RUNDC1: variants seen among roughly 807,000 people sequenced by gnomAD.
RUNDC1 encodes RUN domain containing 1, also known as RUN domain-containing protein 1.
RUNDC1 carries 31 observed loss-of-function variants against 49.3 expected under a neutral mutation model. The ratio of observed to expected loss-of-function variants is 0.63; its 90% confidence interval spans 0.47 to 0.85. RUNDC1 has a LOEUF of 0.85. RUNDC1 is among the 40% of genes least tolerant of loss of function. RUNDC1 has a pLI of 0.00. For synonymous variants in RUNDC1, 347 were observed against 348.6 expected (o/e 1.00, Z 0.05); for missense variants, 715 against 806.7 (o/e 0.89, Z 1.38).
chr17:42,991,458 C>T lies in RUNDC1; in HGVS notation c.1584C>T (p.Asp528=), dbSNP rs764559984. ...TAIHMVLTEH[D]PFKRSADSEL... ...TCCACATGGTGCTGACAGAGCATGA[C>T]CCTTTTAAGCGCAGTGCAGACTCAG... The change falls in exon 5 of 5, where the codon GAC becomes GAT. Residue 528 remains aspartate (D), a synonymous_variant. Transcript: ENST00000361677. 2.5e-6 allele frequency: 4 copies of T among 1,614,196 alleles called. No individual in the cohort carries two copies. The South Asian group carries it at 4.4e-5, about 18-fold the overall frequency.
intron 3 of RUNDC1, 26 bp downstream of exon 3, chr17:42,989,565 G>T: frequency 6.3e-7 from 1 of 1,581,238 alleles, no homozygotes; most frequent in Non-Finnish European, 8.7e-7. Flanking sequence ...GGGATGAGAA[G>T]GGTGGACAGG....
Position 42,990,809 on chromosome 17 carries a change from A to G in RUNDC1, c.977-42A>G, listed in dbSNP as rs1427563275. ...GATTTGTTGAGTGTAGCTCTGTGCC[A>G]TCATGGCCTCTCACTGATGAGCCAC... On this transcript the variant is annotated intron_variant, in intron 4 of 4. Transcript: ENST00000361677. 6 of 1,548,362 alleles carry G rather than the reference A, an allele frequency of 3.9e-6. No individual in the cohort carries two copies. In the Admixed American group the frequency reaches 1.1e-4, roughly 28 times the overall value.
At chr17:42,985,057 G>A (rs969441168) in intron 1 of RUNDC1, among the ~76,000 whole-genome samples, 1 of 151,410 alleles carries the variant, frequency 6.6e-6, no homozygotes, top group Non-Finnish European at 1.5e-5. Flanking sequence ...CACCACACTG[G>A]GCTAGTTTTT....
rs1360476004 is a variant in RUNDC1, at chr17:42,993,875, T to C, written c.*2159T>C. On this transcript the variant is annotated 3_prime_UTR_variant, in exon 5 of 5. Transcript: ENST00000361677. ...GCTTTTGGAATGGAGACCTTTTTTT[T>C]TTGAGATGGAGTCTCGCTCTGTTGT... Among the ~76,000 whole-genome samples, 4 of 152,182 alleles carry C rather than the reference T, an allele frequency of 2.6e-5. No individual in the cohort carries two copies. The highest frequency in any genetic ancestry group is 9.7e-5 in the African/African-American group (4 of 41,438).
Position 42,992,149 on chromosome 17 carries a change from A to C in RUNDC1, c.*433A>C, listed in dbSNP as rs1408219311. On this transcript the variant is annotated 3_prime_UTR_variant, in exon 5 of 5. Transcript: ENST00000361677. ...AGAATGGCGTGAACCCAGGAGGCGGAGCTTGCAGTGAGCCAAGATCGCGCC... is the reference window on the plus strand; with the variant it reads ...AGAATGGCGTGAACCCAGGAGGCGGCGCTTGCAGTGAGCCAAGATCGCGCC... 1.7e-5 allele frequency: 3 copies of C among 171,850 alleles called. No homozygotes were observed. The highest frequency in any genetic ancestry group is 1.1e-4 in the Admixed American group (2 of 18,146). The allele number at this position is 171,850 out of a possible 1,614,324, so 10.6% of individuals were successfully genotyped here.
rs1010365783 is a variant in RUNDC1 at position 42,993,229 on chromosome 17, G to A, written c.*1513G>A. ...CCAGAACGGGGAGGAGTATCTCATTGTGAAACAGACTCTAGAGTGGTTCTA... is the reference window on the plus strand; with the variant it reads ...CCAGAACGGGGAGGAGTATCTCATTATGAAACAGACTCTAGAGTGGTTCTA... On this transcript the variant is annotated 3_prime_UTR_variant, in exon 5 of 5. Transcript: ENST00000361677. The A allele has an allele frequency of 1.3e-5, 2 of 152,194 alleles. No homozygotes were observed. Among genetic ancestry groups the A allele is most frequent in the Admixed American group, 6.5e-5 (1 of 15,278 alleles). The allele number at this position is 152,194 out of a possible 1,614,324, so 9.4% of individuals were successfully genotyped here.
At chr17:42,990,743 A>C in intron 4 of RUNDC1, 108 bp from the exon 5 acceptor site, 1 of 1,374,032 alleles carries the variant, frequency 7.3e-7, no homozygotes, top group Non-Finnish European at 9.8e-7. Flanking sequence ...TCTTGCCTTC[A>C]TGTGAGACCC....
rs759561753 is a variant in RUNDC1, at chr17:42,990,369, C to T, written c.909C>T (p.Ala303=). Reference sequence around the variant, plus strand: ...GTGGTGGACACTGTGAGTGCAAGGCCGGTGGGAAGACAGGAAATGGCTGCA... The same window carrying T: ...GTGGTGGACACTGTGAGTGCAAGGCTGGTGGGAAGACAGGAAATGGCTGCA... The part of the protein sequence containing the change: ...QTGGGHCECK[A]GGKTGNGCSR... Residue 303 remains alanine (A), a synonymous_variant, in exon 4 of 5, where the codon GCC becomes GCT. Transcript: ENST00000361677. 9.9e-6 allele frequency: 16 copies of T among 1,613,896 alleles called. No homozygotes were observed. The highest frequency in any genetic ancestry group is 2.2e-5 in the East Asian group (1 of 44,898).
Position 42,991,170 on chromosome 17 carries a change from G to A in RUNDC1, c.1296G>A (p.Val432=). The change falls in exon 5 of 5, where the codon GTG becomes GTA. Residue 432 remains valine, a synonymous_variant. Coordinates refer to ENST00000361677, the MANE Select transcript of RUNDC1 (RefSeq NM_173079.5). ...TGGCTGTGCGGAAGGAGCTAACGGT[G>A]GCTGTGAGGGACCTGCTGGCCCATG... is the stretch of plus-strand genomic sequence containing the variant. The part of the protein sequence containing the change: ...LTMAVRKELT[V]AVRDLLAHGL... 1 of 1,614,230 alleles carries A rather than the reference G, an allele frequency of 6.2e-7. No homozygotes were observed.
At position 42,980,808 on chromosome 17, in the gene RUNDC1, C is replaced by T; in HGVS notation, c.232C>T (p.Arg78Trp). The T allele has an allele frequency of 7.2e-7, 1 of 1,380,534 alleles. No homozygotes were observed. The highest frequency in any genetic ancestry group is 9.3e-7 in the Non-Finnish European group (1 of 1,078,984). 85.5% of individuals were successfully genotyped at this position (1,380,534 alleles called of 1,614,324 possible). Residue 78 changes from arginine (R) to tryptophan (W), a missense_variant, in exon 1 of 5, where the codon CGG (arginine) becomes TGG (tryptophan). By Grantham distance (101) the Arg-to-Trp change is moderately radical. Coordinates refer to ENST00000361677, the MANE Select transcript of RUNDC1 (RefSeq NM_173079.5). ...APGSPPDSPG[R>W]TLRRLRAERR... The stretch of plus-strand genomic sequence containing the variant: ...GGGCTCCCCGCCGGATTCGCCGGGC[C>T]GGACGCTGCGGCGGCTGCGGGCAGA...
In RUNDC1 at chr17:42,992,568, CAA is replaced by C. The variant is rs578105215; in HGVS notation, c.*874_*875del. On this transcript the variant is annotated 3_prime_UTR_variant, in exon 5 of 5. Coordinates refer to ENST00000361677, the MANE Select transcript of RUNDC1 (RefSeq NM_173079.5). ...TGGGCAACACAGGGAGACTCCATCT[CAA>C]AAAAAAAAAAAAAAAAAAAAAGACA... 1.1e-4 allele frequency: 6 copies of C among 55,066 alleles called. No individual in the cohort carries two copies. Among genetic ancestry groups the C allele is most frequent in the Admixed American group, 3.8e-4 (2 of 5,262 alleles). 3.4% of individuals were successfully genotyped at this position (55,066 alleles called of 1,614,324 possible).
In RUNDC1 at chr17:42,989,456, A is replaced by G. The variant is rs773245859; in HGVS notation, c.773A>G (p.Asn258Ser). 19 of 1,614,036 alleles carry G rather than the reference A, an allele frequency of 1.2e-5. No homozygotes were observed. The highest frequency in any genetic ancestry group is 1.6e-4 in the Middle Eastern group (1 of 6,084). The change falls in exon 3 of 5, where the codon AAC becomes AGC. Residue 258 changes from asparagine to serine, a missense_variant. Coordinates refer to ENST00000361677, the MANE Select transcript of RUNDC1 (RefSeq NM_173079.5). ...GATGCAGCAGTGGCTCAGATCGTCA[A>G]CCCAGCCCGAGTCAAAGAACAGTTG... is the stretch of plus-strand genomic sequence containing the variant. Reference protein sequence around the residue: ...RVDAAVAQIVNPARVKEQLVE... With the variant: ...RVDAAVAQIVSPARVKEQLVE...
chr17:42,980,947 G>T lies in RUNDC1; in HGVS notation c.371G>T (p.Arg124Leu). ...CCGGCGGAGCAGCAGCGCCTTCTGC[G>T]GGAGCTCGAAGACTTCGCCTTCCGC... ...GAPAEQQRLL[R>L]ELEDFAFRGC... Residue 124 changes from arginine (R) to leucine (L), a missense_variant, in exon 1 of 5, where the codon CGG (arginine) becomes CTG (leucine). Physicochemically the swap from Arg to Leu is moderately radical, Grantham distance 102 (BLOSUM62 -2). This residue lies in a region of RUNDC1 where 113 missense variants were observed against 93.4 expected (regional missense o/e 1.21). Transcript: ENST00000361677. The T allele has an allele frequency of 6.5e-7, 1 of 1,540,636 alleles. No homozygotes were observed. The highest frequency in any genetic ancestry group is 2.4e-5 in the East Asian group (1 of 41,010).
Position 42,990,445 on chromosome 17 carries a change from A to G in RUNDC1, c.976+9A>G. On this transcript the variant is annotated intron_variant, in intron 4 of 4. Coordinates refer to ENST00000361677, the MANE Select transcript of RUNDC1 (RefSeq NM_173079.5). ...TCCAGGAAACAGCAAAAGTAAGTGC[A>G]GTTTCCAGAACAGGCAAATCTCTAG... The G allele has an allele frequency of 6.2e-7, 1 of 1,613,522 alleles. No homozygotes were observed. The highest frequency in any genetic ancestry group is 1.1e-5 in the South Asian group (1 of 91,056).
chr17:42,986,987 A>G (rs1397201837), intron 1 of RUNDC1, among the ~76,000 whole-genome samples: 1 of 152,168 alleles, frequency 6.6e-6, no homozygotes, highest in Non-Finnish European at 1.5e-5. Flanking sequence ...TTGGGGGAAA[A>G]AAGGCAGTCT....
In RUNDC1 at chr17:42,994,627, A is replaced by G. The variant is rs1487157153; in HGVS notation, c.*2911A>G. On this transcript the variant is annotated 3_prime_UTR_variant, in exon 5 of 5. Coordinates refer to ENST00000361677, the MANE Select transcript of RUNDC1 (RefSeq NM_173079.5). ...ACAACTGCCAGAAATTTCAGCTGCC[A>G]AAGGACAAGGCTGCAGGGAGACAGG... Among the ~76,000 whole-genome samples the G allele has an allele frequency of 3.3e-5, 5 of 152,220 alleles. No homozygotes were observed. Among genetic ancestry groups the G allele is most frequent in the Non-Finnish European group, 5.9e-5 (4 of 68,032 alleles).
chr17:42,984,476 T>C (rs2050143689), intron 1 of RUNDC1, among the ~76,000 whole-genome samples: 3 of 152,126 alleles, frequency 2.0e-5, no homozygotes, highest in Non-Finnish European at 2.9e-5. Context: ...AGACAGGGTT[T>C]TGCCATGTTG....
chr17:42,985,055 T>G (rs1033497582), intron 1 of RUNDC1, among the ~76,000 whole-genome samples: 1 of 151,828 alleles, frequency 6.6e-6, no homozygotes, highest in Non-Finnish European at 1.5e-5. Context: ...GCCACCACAC[T>G]GGGCTAGTTT....
In RUNDC1 at chr17:42,980,947, G is replaced by C; in HGVS notation, c.371G>C (p.Arg124Pro). The change falls in exon 1 of 5, where the codon CGG (arginine) becomes CCG (proline). Residue 124 changes from arginine to proline, a missense_variant. Transcript: ENST00000361677. ...CCGGCGGAGCAGCAGCGCCTTCTGC[G>C]GGAGCTCGAAGACTTCGCCTTCCGC... The part of the protein sequence containing the change: ...GAPAEQQRLL[R>P]ELEDFAFRGC... The C allele has an allele frequency of 6.5e-7, 1 of 1,540,638 alleles. No individual in the cohort carries two copies.
Sources: gnomAD v4.1 joint callset for allele counts (sites outside exome capture counted in the v4.1 genomes callset) on GRCh38, gnomAD v4.1.1 for gene constraint, gnomAD v4.1.1 regional missense constraint, MANE v1.5 for transcripts, NCBI Gene and HGNC (gene_info 2026-07-23, HGNC 2026-07-21) for gene names.